KIAA0825: variants seen among roughly 807,000 people sequenced by gnomAD.
The protein encoded by KIAA0825 is KIAA0825.
In KIAA0825, 119 loss-of-function variants were observed where a neutral mutation model predicts 147.6. That is an observed-to-expected ratio of 0.81 (90% CI 0.69 to 0.94). KIAA0825 has a LOEUF of 0.94. Among genes scored for constraint, KIAA0825 ranks in the 40% least tolerant of loss-of-function variants. KIAA0825 has a pLI of 0.00. For missense variants in KIAA0825, 1,381 were observed against 1,472.7 expected (o/e 0.94, Z 1.02); for synonymous variants, 470 against 518.1 (o/e 0.91, Z 1.26).
rs1749904974 is a variant in KIAA0825, at chr5:94,391,586, T to C, written c.3405A>G (p.Pro1135=). Residue 1135 remains proline (P), a synonymous_variant, in exon 18 of 21, where the codon CCA becomes CCG. Coordinates refer to ENST00000682413, the MANE Select transcript of KIAA0825 (RefSeq NM_001145678.3). ...TTTGCCTCAGGTACTCCCTGCCACC[T>C]GGTTTGTGGCAGAGATCCAGGACCA... ...NTMVLDLCHK[P]GGREYLRQIY... 1 of 1,551,552 alleles carries C rather than the reference T, an allele frequency of 6.4e-7. No individual in the cohort carries two copies.
chr5:94,229,355 T>C (rs2150081453), intron 20 of KIAA0825, among the ~76,000 whole-genome samples: 1 of 152,326 alleles, frequency 6.6e-6, no homozygotes, highest in Non-Finnish European at 1.5e-5. Context: ...TTTAGCCTGC[T>C]TCTTCTTCTC....
At chr5:94,210,592 G>C (rs1772619582) in intron 20 of KIAA0825, among the ~76,000 whole-genome samples, 1 of 152,108 alleles carries the variant, frequency 6.6e-6, no homozygotes, top group African/African-American at 2.4e-5. Flanking sequence ...AGGAGACAAA[G>C]AATAAAAGGA....
At chr5:94,352,363 A>G (rs1343301779) in intron 20 of KIAA0825, among the ~76,000 whole-genome samples, 2 of 152,196 alleles carry the variant, frequency 1.3e-5, no homozygotes, top group Non-Finnish European at 2.9e-5. Flanking sequence ...TCAAAACCAC[A>G]ATGTGATTCC....
intron 20 of KIAA0825, among the ~76,000 whole-genome samples, chr5:94,219,818 A>C (rs1329250448): frequency 2.0e-5 from 3 of 152,238 alleles, no homozygotes; most frequent in Non-Finnish European, 2.9e-5. Flanking sequence ...TTGCAGGACT[A>C]GAAGTTGCAC....
intron 20 of KIAA0825, among the ~76,000 whole-genome samples, chr5:94,287,604 A>G (rs773176326): frequency 6.6e-6 from 1 of 152,192 alleles, no homozygotes; most frequent in Non-Finnish European, 1.5e-5. Flanking sequence ...AGGGCCTAAG[A>G]AATGATAAAC....
chr5:94,599,745 G>T (rs769655243), intron 1 of KIAA0825, among the ~76,000 whole-genome samples: 1 of 152,172 alleles, frequency 6.6e-6, no homozygotes, highest in Non-Finnish European at 1.5e-5. Context: ...GAAAATATAT[G>T]CAAATCATGT....
chr5:94,491,700 T>G (rs1040479295), intron 5 of KIAA0825, among the ~76,000 whole-genome samples: 1 of 152,230 alleles, frequency 6.6e-6, no homozygotes, highest in African/African-American at 2.4e-5. Context: ...AGAATTTATA[T>G]GACTAGAAAA....
At chr5:94,612,394 T>C (rs1019529654) in intron 1 of KIAA0825, among the ~76,000 whole-genome samples, 5 of 152,228 alleles carry the variant, frequency 3.3e-5, no homozygotes, top group African/African-American at 4.8e-5. Flanking sequence ...ACTGGCCTAA[T>C]TGAAGCTTTC....
chr5:94,513,502 A>C (rs908846040), intron 5 of KIAA0825, among the ~76,000 whole-genome samples: 8 of 152,188 alleles, frequency 5.3e-5, no homozygotes, highest in African/African-American at 1.9e-4. Context: ...GTGTTTGCTA[A>C]TTCTTCCTAT....
chr5:94,303,038 A>C (rs1178740775), intron 20 of KIAA0825, among the ~76,000 whole-genome samples: 1 of 152,030 alleles, frequency 6.6e-6, no homozygotes, highest in Non-Finnish European at 1.5e-5. Flanking sequence ...TACATTACTC[A>C]TAAGTCCAAC....
At chr5:94,412,860 T>A (rs1752942849) in intron 15 of KIAA0825, 1 of 152,010 alleles carries the variant, frequency 6.6e-6, no homozygotes, top group Non-Finnish European at 1.5e-5. Context: ...CAATCAAATG[T>A]GGATTGAAAA....
chr5:94,351,792 T>A (rs1259018120), intron 20 of KIAA0825, among the ~76,000 whole-genome samples: 1 of 151,958 alleles, frequency 6.6e-6, no homozygotes, highest in Non-Finnish European at 1.5e-5. Flanking sequence ...GCCAACTGAT[T>A]TTCGACAAAG....
intron 20 of KIAA0825, among the ~76,000 whole-genome samples, chr5:94,193,561 A>G (rs570939538): frequency 8.5e-5 from 13 of 152,304 alleles, no homozygotes; most frequent in Middle Eastern, 3.4e-3. Context: ...TGTTCTTTCA[A>G]TTCTTTGTAC....
At chr5:94,190,899 A>G (rs1770624393) in intron 20 of KIAA0825, among the ~76,000 whole-genome samples, 1 of 152,146 alleles carries the variant, frequency 6.6e-6, no homozygotes, top group Non-Finnish European at 1.5e-5. Flanking sequence ...CCTTTTAAAA[A>G]AATCAGCAGA....
At chr5:94,295,142 T>C in intron 20 of KIAA0825, among the ~76,000 whole-genome samples, 1 of 152,036 alleles carries the variant, frequency 6.6e-6, no homozygotes, top group East Asian at 1.9e-4. Context: ...TTCTCTAATC[T>C]TGTCTTCATG....
At chr5:94,289,466 C>A (rs571388304) in intron 20 of KIAA0825, among the ~76,000 whole-genome samples, 3 of 145,058 alleles carry the variant, frequency 2.1e-5, no homozygotes, top group African/African-American at 7.7e-5. Context: ...ACCCAGGAGA[C>A]AGAGGTTGCA....
At chr5:94,559,019 T>C (rs1253691501) in intron 2 of KIAA0825, among the ~76,000 whole-genome samples, 1 of 152,256 alleles carries the variant, frequency 6.6e-6, no homozygotes, top group Non-Finnish European at 1.5e-5. Flanking sequence ...TAGGTCTTCA[T>C]TTCTGAACGC....
At chr5:94,612,457 C>G (rs1055581280) in intron 1 of KIAA0825, among the ~76,000 whole-genome samples, 2 of 151,852 alleles carry the variant, frequency 1.3e-5, no homozygotes, top group Non-Finnish European at 2.9e-5. Flanking sequence ...TTCTTCCTTC[C>G]TTCTCTTCTT....
At chr5:94,332,310 G>A (rs1461469355) in intron 20 of KIAA0825, among the ~76,000 whole-genome samples, 1 of 151,414 alleles carries the variant, frequency 6.6e-6, no homozygotes, top group Non-Finnish European at 1.5e-5. Context: ...CACGTGCCAT[G>A]GTGGTTTGCT....
Sources: allele counts gnomAD v4.1 joint callset (sites outside exome capture counted in the v4.1 genomes callset), GRCh38; gene constraint gnomAD v4.1.1; transcripts MANE v1.5; gene names NCBI Gene and HGNC (gene_info 2026-07-23, HGNC 2026-07-21).